The following STYX variants were observed in gnomAD, a reference collection of about 807,000 sequenced individuals.
STYX encodes serine/threonine/tyrosine-interacting protein.
A neutral mutation model predicts 42.7 loss-of-function variants in STYX; 20 were observed. The ratio of observed to expected loss-of-function variants is 0.47; its 90% CI spans 0.33 to 0.68. The LOEUF is 0.68. STYX is among the 30% of genes least tolerant of loss of function. The probability of loss-of-function intolerance (pLI) is 0.02; values close to 1 mark genes in which losing one functional copy is unlikely to be tolerated. For synonymous variants in STYX, 78 were observed against 81.9 expected, an observed-to-expected ratio of 0.95 and a Z score of 0.26; for missense variants, 226 against 268.5, an observed-to-expected ratio of 0.84 and a Z score of 1.11.
chr14:52,773,344 T>A lies in STYX; in HGVS notation c.*2238T>A, dbSNP rs1453316239. Reference sequence around the variant, plus strand: ...ATATATATATATAGATAGATAGATTTTTTTTTTTTTTTGAGACAGAGTCTC... The same window carrying A: ...ATATATATATATAGATAGATAGATTATTTTTTTTTTTTGAGACAGAGTCTC... On this transcript the variant is annotated 3_prime_UTR_variant, in exon 11 of 11. Transcript: ENST00000354586. The A allele has an allele frequency of 1.5e-4, 22 of 144,204 alleles. No homozygotes were observed. The highest frequency in any genetic ancestry group is 2.3e-4 in the Non-Finnish European group (15 of 64,804). 8.9% of individuals were successfully genotyped at this position (144,204 alleles called of 1,614,324 possible).
Position 52,772,346 on chromosome 14 carries a change from C to A in STYX, c.*1240C>A, listed in dbSNP as rs2139945561. ...GTGTATTTTAAATTAGCATTTTAAT[C>A]CATTCTTGACATTCAGTTAGTCCAG... On this transcript the variant is annotated 3_prime_UTR_variant, in exon 11 of 11. Coordinates refer to ENST00000354586, the MANE Select transcript of STYX (RefSeq NM_145251.4). The A allele has an allele frequency of 6.6e-6, 1 of 152,318 alleles. No homozygotes were observed. Among genetic ancestry groups the A allele is most frequent in the South Asian group, 2.1e-4 (1 of 4,820 alleles). 9.4% of individuals were successfully genotyped at this position (152,318 alleles called of 1,614,324 possible).
Position 52,769,770 on chromosome 14 carries a change from C to T in STYX, c.598+837C>T, listed in dbSNP as rs375955620. ...TAGTGACCTTAATCTAGTTCAGGTC[C>T]GGATTTGCCTCCTTTCCAAACTCTT... On this transcript the variant is annotated intron_variant, in intron 10 of 10. Coordinates refer to ENST00000354586, the MANE Select transcript of STYX (RefSeq NM_145251.4). Among the ~76,000 whole-genome samples the T allele has an allele frequency of 3.7e-4, 56 of 151,988 alleles. 3 individuals are homozygous for T. The East Asian group carries it at 8.3e-3, about 23-fold the overall frequency.
At chr14:52,761,402 A>C (rs1264429646) in intron 9 of STYX, among the ~76,000 whole-genome samples, 3 of 151,894 alleles carry the variant, frequency 2.0e-5, no homozygotes, top group African/African-American at 4.8e-5. Context: ...AAGGTAACTG[A>C]AGTGGAATTG....
At chr14:52,757,503 T>C in intron 6 of STYX, 148 bp downstream of exon 6, 2 of 844,342 alleles carry the variant, frequency 2.4e-6, no homozygotes, top group Non-Finnish European at 3.7e-6. Flanking sequence ...AATTACTTGT[T>C]TCATTTGGAT....
intron 1 of STYX, 38 bp downstream of exon 1, chr14:52,730,569 C>T: frequency 6.2e-7 from 1 of 1,606,478 alleles, no homozygotes; most frequent in Non-Finnish European, 8.5e-7. Context: ...CAGGCCTCTC[C>T]CTGTGGCTCC....
chr14:52,758,368 G>A (rs1409510430), intron 8 of STYX, among the ~76,000 whole-genome samples: 1 of 152,158 alleles, frequency 6.6e-6, no homozygotes, highest in East Asian at 1.9e-4. Flanking sequence ...AAGATAGGGG[G>A]TGGTAATGAG....
intron 2 of STYX, among the ~76,000 whole-genome samples, chr14:52,746,122 C>G (rs1881386220): frequency 6.6e-6 from 1 of 152,058 alleles, no homozygotes; most frequent in East Asian, 1.9e-4. Context: ...TAATTTGCTT[C>G]TATTAACTAT....
intron 1 of STYX, among the ~76,000 whole-genome samples, chr14:52,737,123 G>T (rs1418175633): frequency 6.6e-6 from 1 of 152,086 alleles, no homozygotes; most frequent in Non-Finnish European, 1.5e-5. Flanking sequence ...GTGTATATAG[G>T]ATTCAGCACT....
intron 9 of STYX, among the ~76,000 whole-genome samples, chr14:52,762,568 G>A (rs1218343918): frequency 1.3e-5 from 2 of 151,622 alleles, no homozygotes; most frequent in Non-Finnish European, 2.9e-5. Context: ...ATAGTAAATT[G>A]GTTTGTCTTT....
intron 4 of STYX, among the ~76,000 whole-genome samples, chr14:52,755,105 TTTTG>T (rs913567274): frequency 2.7e-5 from 4 of 145,568 alleles, no homozygotes; most frequent in Non-Finnish European, 6.0e-5. Context: ...CTGTGTTTTT[TTTTG>T]TTTGTTTTTT....
At chr14:52,768,307 A>G (rs2139938587) in intron 9 of STYX, among the ~76,000 whole-genome samples, 1 of 152,290 alleles carries the variant, frequency 6.6e-6, no homozygotes, top group East Asian at 1.9e-4. Context: ...AGCCTTTTTC[A>G]TGCCGCTTCT....
intron 1 of STYX, chr14:52,731,697 A>G (rs544954619): frequency 1.3e-5 from 2 of 152,198 alleles, no homozygotes; most frequent in South Asian, 2.1e-4. Context: ...GGCCTCCCAA[A>G]GTGCTGAAAT....
rs182171323 is a variant in STYX at position 52,753,071 on chromosome 14, G to T, written c.242+2291G>T. Among the ~76,000 whole-genome samples the T allele has an allele frequency of 4.6e-3, 571 of 123,830 alleles. 2 individuals carry two copies. The highest frequency in any genetic ancestry group is 6.1e-3 in the Non-Finnish European group (352 of 57,956). The allele number at this position is 123,830 out of a possible 152,430, so 81.2% of individuals were successfully genotyped here. ...AATTTTTTTTTTTTTTTTTTTTTTG[G>T]ACAGAGTTTCGCTCTGTTGCCCAGG... On this transcript the variant is annotated intron_variant, in intron 4 of 10. Coordinates refer to ENST00000354586, the MANE Select transcript of STYX (RefSeq NM_145251.4).
rs1173807017 is a variant in STYX, at chr14:52,774,296, T to G, written c.*3190T>G. 1 of 152,100 alleles carries G rather than the reference T, an allele frequency of 6.6e-6. No individual in the cohort carries two copies. Among genetic ancestry groups the G allele is most frequent in the Non-Finnish European group, 1.5e-5 (1 of 68,010 alleles). 9.4% of individuals were successfully genotyped at this position (152,100 alleles called of 1,614,324 possible). A position where few individuals can be genotyped will look rare whatever the true frequency, so the allele number is the denominator to read the frequency against. On this transcript the variant is annotated 3_prime_UTR_variant, in exon 11 of 11. Coordinates refer to ENST00000354586, the MANE Select transcript of STYX (RefSeq NM_145251.4). ...TTATTAATATGGTAATTCAAGTGAA[T>G]TAGAAATATTTAACTGCAATCTTGA...
At chr14:52,755,128 T>G (rs1881806484) in intron 4 of STYX, among the ~76,000 whole-genome samples, 2 of 150,836 alleles carry the variant, frequency 1.3e-5, no homozygotes, top group African/African-American at 4.9e-5. Context: ...TTTGTTTTTT[T>G]TTTTTTGTTT....
chr14:52,764,136 G>A (rs970914089), intron 9 of STYX, among the ~76,000 whole-genome samples: 16 of 151,882 alleles, frequency 1.1e-4, no homozygotes, highest in Admixed American at 1.0e-3. Context: ...GGGATTACAG[G>A]CATGCATCAC....
intron 1 of STYX, among the ~76,000 whole-genome samples, chr14:52,743,234 T>G (rs1030097369): frequency 9.9e-5 from 15 of 152,180 alleles, no homozygotes; most frequent in Middle Eastern, 3.4e-3. Context: ...ATTGTAGGAT[T>G]ATTATTCTCT....
chr14:52,758,974 G>A (rs537493129), intron 8 of STYX, among the ~76,000 whole-genome samples: 152 of 152,230 alleles, frequency 1.0e-3, no homozygotes, highest in African/African-American at 3.3e-3. Flanking sequence ...GACCATTAAT[G>A]TTGGAAATAA....
intron 1 of STYX, among the ~76,000 whole-genome samples, chr14:52,734,761 A>G (rs1205782893): frequency 6.6e-6 from 1 of 152,202 alleles, no homozygotes; most frequent in African/African-American, 2.4e-5. Flanking sequence ...TTTAAGAAAA[A>G]GAAGAAGTAA....
Sources: gnomAD v4.1 joint callset for allele counts (sites outside exome capture counted in the v4.1 genomes callset) on GRCh38, gnomAD v4.1.1 for gene constraint, MANE v1.5 for transcripts, NCBI Gene and HGNC (gene_info 2026-07-23, HGNC 2026-07-21) for gene names.